The following ARHGAP10 variants were observed in gnomAD, a reference collection of about 807,000 sequenced individuals.
The protein encoded by ARHGAP10 is rho GTPase-activating protein 10.
In ARHGAP10, 87 loss-of-function variants were observed where a neutral mutation model predicts 108.6. The ratio of observed to expected loss-of-function variants is 0.80; its 90% confidence interval spans 0.67 to 0.96. The LOEUF (loss-of-function observed/expected upper bound fraction) is 0.96. Ranked by LOEUF, ARHGAP10 falls within the 40% of genes least tolerant of loss-of-function variation. ARHGAP10 has a pLI of 0.00. For missense variants in ARHGAP10, 939 were observed against 954.5 expected (o/e 0.98, Z 0.21); for synonymous variants, 347 against 341.1 (o/e 1.02, Z -0.19).
At chr4:148,001,522 G>C (rs187992825) in intron 18 of ARHGAP10, among the ~76,000 whole-genome samples, 2 of 152,024 alleles carry the variant, frequency 1.3e-5, no homozygotes, top group African/African-American at 4.8e-5. Context: ...CCATTTTCAC[G>C]ATATTGATTC....
At chr4:147,865,373 G>T (rs1734513690) in intron 6 of ARHGAP10, 1 of 153,314 alleles carries the variant, frequency 6.5e-6, no homozygotes, top group Non-Finnish European at 1.5e-5. Flanking sequence ...AATGCTTATG[G>T]CAATCTAAGT....
In ARHGAP10 at chr4:147,909,753, G is replaced by A. The variant is rs933812706; in HGVS notation, c.1138G>A (p.Ala380Thr). ...TTAGCTGTCCCATAGTTTTAATACA[G>A]CCATCATCCCAAGACCAGAAGGAAG... ...KEALSHSFNTAIIPRPEGNAQ... is the reference protein window; with the variant it reads ...KEALSHSFNTTIIPRPEGNAQ... The change falls in exon 12 of 23, where the codon GCC (alanine) becomes ACC (threonine). Residue 380 changes from alanine to threonine, a missense_variant. By Grantham distance (58) the Ala-to-Thr change is moderately conservative. Coordinates refer to ENST00000336498, the MANE Select transcript of ARHGAP10 (RefSeq NM_024605.4). 3.1e-6 allele frequency: 5 copies of A among 1,611,874 alleles called. No individual in the cohort carries two copies. The African/African-American group carries it at 4.0e-5, about 13-fold the overall frequency.
At position 148,016,526 on chromosome 4, in the gene ARHGAP10, GA is replaced by G. The variant is rs1741353185; in HGVS notation, c.1717-6731del. ...CTCTGAAAGAAAAAAAAAATTGAGG[GA>G]AAAAATGCAAATTGTTTTTTTCTCT... On this transcript the variant is annotated intron_variant, in intron 18 of 22. Transcript: ENST00000336498. Among the ~76,000 whole-genome samples the G allele has an allele frequency of 2.6e-5, 4 of 151,974 alleles. No individual in the cohort carries two copies. The South Asian group carries it at 8.3e-4, about 32-fold the overall frequency.
At chr4:147,737,479 G>A (rs1264431259) in intron 1 of ARHGAP10, among the ~76,000 whole-genome samples, 1 of 150,636 alleles carries the variant, frequency 6.6e-6, no homozygotes, top group Non-Finnish European at 1.5e-5. Flanking sequence ...TTGATAAAGT[G>A]GTGTAATTGT....
intron 3 of ARHGAP10, among the ~76,000 whole-genome samples, chr4:147,843,647 C>T (rs1733508354): frequency 6.6e-6 from 1 of 152,228 alleles, no homozygotes; most frequent in African/African-American, 2.4e-5. Flanking sequence ...CTACCTCAGC[C>T]TCCCGAGTAG....
intron 6 of ARHGAP10, 136 bp downstream of exon 6, chr4:147,865,092 A>G (rs1435312953): frequency 8.3e-6 from 6 of 720,444 alleles, no homozygotes; most frequent in Non-Finnish European, 1.4e-5. Context: ...TAAAAAGGGC[A>G]GACACAGATA....
chr4:147,798,652 T>C (rs1248994661), intron 1 of ARHGAP10, among the ~76,000 whole-genome samples: 5 of 151,074 alleles, frequency 3.3e-5, no homozygotes, highest in South Asian at 4.2e-4. Flanking sequence ...CTGGGTGCAG[T>C]GGCTCACGCC....
chr4:147,786,329 A>T (rs1730889028), intron 1 of ARHGAP10, among the ~76,000 whole-genome samples: 1 of 152,204 alleles, frequency 6.6e-6, no homozygotes, highest in Non-Finnish European at 1.5e-5. Context: ...GGAAACAACA[A>T]CATTCAGGTT....
intron 5 of ARHGAP10, chr4:147,861,922 A>G (rs1332847144): frequency 2.0e-5 from 3 of 152,228 alleles, no homozygotes; most frequent in East Asian, 1.9e-4. Flanking sequence ...TGCAGACTCC[A>G]CCTAGAACTG....
intron 1 of ARHGAP10, among the ~76,000 whole-genome samples, chr4:147,814,291 CTT>C (rs551403261): frequency 1.4e-5 from 2 of 141,850 alleles, no homozygotes; most frequent in African/African-American, 5.1e-5. Flanking sequence ...TAGGATGCAT[CTT>C]TTTTTTTTTT....
intron 3 of ARHGAP10, among the ~76,000 whole-genome samples, chr4:147,831,542 G>C (rs1732953994): frequency 6.6e-6 from 1 of 152,210 alleles, no homozygotes. Context: ...GGCACATTCA[G>C]AATGGAGGAA....
At chr4:147,806,815 C>T (rs1298171238) in intron 1 of ARHGAP10, among the ~76,000 whole-genome samples, 1 of 152,102 alleles carries the variant, frequency 6.6e-6, no homozygotes, top group Non-Finnish European at 1.5e-5. Flanking sequence ...GATCCTCCTG[C>T]CTCAGCCTCC....
chr4:147,836,036 T>A (rs1441415975), intron 3 of ARHGAP10, among the ~76,000 whole-genome samples: 2 of 152,236 alleles, frequency 1.3e-5, no homozygotes, highest in Non-Finnish European at 2.9e-5. Context: ...TTCCTAAGTG[T>A]ACTTAAAAAC....
At chr4:148,041,345 A>G (rs1223592990) in intron 19 of ARHGAP10, among the ~76,000 whole-genome samples, 2 of 152,220 alleles carry the variant, frequency 1.3e-5, no homozygotes, top group East Asian at 1.9e-4. Flanking sequence ...TCAGGGGGGA[A>G]CTATCTCTGA....
chr4:147,901,772 T>C (rs1341131944), intron 10 of ARHGAP10, among the ~76,000 whole-genome samples: 3 of 152,254 alleles, frequency 2.0e-5, no homozygotes, highest in Non-Finnish European at 2.9e-5. Flanking sequence ...TTCTGTGTTT[T>C]AGGTTACTAG....
chr4:147,768,285 T>G (rs537946577), intron 1 of ARHGAP10, among the ~76,000 whole-genome samples: 1 of 152,330 alleles, frequency 6.6e-6, no homozygotes, highest in Non-Finnish European at 1.5e-5. Context: ...TCAGGCTGAA[T>G]GAATCATGGA....
At chr4:147,955,880 C>T (rs1738771481) in intron 16 of ARHGAP10, among the ~76,000 whole-genome samples, 1 of 151,986 alleles carries the variant, frequency 6.6e-6, no homozygotes, top group African/African-American at 2.4e-5. Flanking sequence ...TTGATACAGA[C>T]TGAATAATAT....
chr4:147,908,634 C>G (rs921119760), intron 11 of ARHGAP10, among the ~76,000 whole-genome samples: 2 of 152,168 alleles, frequency 1.3e-5, no homozygotes, highest in Non-Finnish European at 2.9e-5. Flanking sequence ...GAATTATCAC[C>G]GTGCTATTTC....
At chr4:147,853,380 G>A (rs1329674169) in intron 4 of ARHGAP10, among the ~76,000 whole-genome samples, 1 of 152,194 alleles carries the variant, frequency 6.6e-6, no homozygotes, top group African/African-American at 2.4e-5. Context: ...CTCTAGACGA[G>A]TCCAACAGTA....
Sources: allele counts gnomAD v4.1 joint callset (sites outside exome capture counted in the v4.1 genomes callset), GRCh38; gene constraint gnomAD v4.1.1; transcripts MANE v1.5; gene names NCBI Gene and HGNC (gene_info 2026-07-23, HGNC 2026-07-21).